CTIF: variants seen among roughly 807,000 people sequenced by gnomAD.
CTIF encodes the protein CBP80/20-dependent translation initiation factor.
CTIF carries 21 observed loss-of-function variants against 66.0 expected under a neutral mutation model. That is an observed-to-expected ratio of 0.32 (90% CI 0.23 to 0.46). The LOEUF is 0.46. CTIF is among the 20% of genes least tolerant of loss of function. The pLI is 1.00. For synonymous variants in CTIF, 345 were observed against 326.4 expected (o/e 1.06, Z -0.62); for missense variants, 739 against 812.7 (o/e 0.91, Z 1.10).
At chr18:48,719,126 A>G (rs984154050) in intron 7 of CTIF, among the ~76,000 whole-genome samples, 1 of 152,062 alleles carries the variant, frequency 6.6e-6, no homozygotes. Context: ...ATGCTTCTAG[A>G]ATTGTCTTTA....
chr18:48,838,227 C>T (rs560843675), intron 10 of CTIF, among the ~76,000 whole-genome samples: 1 of 152,300 alleles, frequency 6.6e-6, no homozygotes, highest in Admixed American at 6.5e-5. Flanking sequence ...CTCCCAACAC[C>T]CCGGCACATC....
chr18:48,676,305 G>A (rs1869629974), intron 6 of CTIF, among the ~76,000 whole-genome samples: 1 of 152,178 alleles, frequency 6.6e-6, no homozygotes, highest in African/African-American at 2.4e-5. Context: ...GAATTATCCA[G>A]TGTCCTGCCC....
At chr18:48,767,975 A>T (rs187628483) in intron 9 of CTIF, among the ~76,000 whole-genome samples, 1 of 152,252 alleles carries the variant, frequency 6.6e-6, no homozygotes, top group Admixed American at 6.5e-5. Context: ...AAGCCTGAAG[A>T]TGTATCTTAC....
intron 10 of CTIF, among the ~76,000 whole-genome samples, chr18:48,857,051 G>T (rs776935964): frequency 2.0e-5 from 3 of 152,210 alleles, no homozygotes; most frequent in African/African-American, 7.2e-5. Context: ...CAGCCCCTGA[G>T]TAAGTCCACA....
chr18:48,793,504 C>T (rs780760678), intron 9 of CTIF, among the ~76,000 whole-genome samples: 2 of 152,158 alleles, frequency 1.3e-5, no homozygotes, highest in African/African-American at 2.4e-5. Flanking sequence ...AAGTTTTTAG[C>T]GCCCACTATA....
intron 9 of CTIF, among the ~76,000 whole-genome samples, chr18:48,809,519 G>A (rs2068218471): frequency 6.6e-6 from 1 of 152,100 alleles, no homozygotes; most frequent in South Asian, 2.1e-4. Flanking sequence ...AGATTAACTT[G>A]TAGACTTCCT....
At chr18:48,592,431 A>G (rs1162054414) in intron 1 of CTIF, among the ~76,000 whole-genome samples, 2 of 148,430 alleles carry the variant, frequency 1.3e-5, no homozygotes, top group Non-Finnish European at 3.0e-5. Context: ...CAGGAGGCAG[A>G]GGTTGTGGTG....
chr18:48,719,348 C>G (rs910357984), intron 7 of CTIF, among the ~76,000 whole-genome samples: 1 of 152,132 alleles, frequency 6.6e-6, no homozygotes, highest in Admixed American at 6.5e-5. Context: ...TCAGAACACT[C>G]TACCAGTCAT....
intron 5 of CTIF, 175 bp from the exon 6 acceptor site, chr18:48,670,494 C>CGA (rs537967262): frequency 7.3e-6 from 4 of 546,730 alleles, no homozygotes; most frequent in South Asian, 2.1e-5. Flanking sequence ...GACCCCCCCC[C>CGA]CACACACACA....
At chr18:48,706,254 A>G (rs943499500) in intron 6 of CTIF, among the ~76,000 whole-genome samples, 2 of 152,222 alleles carry the variant, frequency 1.3e-5, no homozygotes, top group Non-Finnish European at 2.9e-5. Flanking sequence ...TGTAAGAACA[A>G]GCATATTGCC....
intron 1 of CTIF, among the ~76,000 whole-genome samples, chr18:48,598,197 T>C (rs1196513537): frequency 6.6e-6 from 1 of 152,156 alleles, no homozygotes; most frequent in Non-Finnish European, 1.5e-5. Context: ...GGGCTCCAGA[T>C]TTTTCCTACT....
intron 10 of CTIF, among the ~76,000 whole-genome samples, chr18:48,857,327 C>G (rs2069351699): frequency 6.6e-6 from 1 of 152,260 alleles, no homozygotes; most frequent in South Asian, 2.1e-4. Context: ...GGTGTTCAGA[C>G]CTGGCCCAGG....
chr18:48,639,348 A>G (rs1433098559), intron 3 of CTIF, among the ~76,000 whole-genome samples: 1 of 152,140 alleles, frequency 6.6e-6, no homozygotes, highest in East Asian at 1.9e-4. Flanking sequence ...GAAGCCAGGG[A>G]CCTGCCTTCA....
chr18:48,793,555 T>C (rs745332820), intron 9 of CTIF, among the ~76,000 whole-genome samples: 1 of 152,184 alleles, frequency 6.6e-6, no homozygotes, highest in Non-Finnish European at 1.5e-5. Flanking sequence ...TCCTCCCTCA[T>C]GATGATAGCT....
chr18:48,578,747 G>A (rs1046201681), intron 1 of CTIF, among the ~76,000 whole-genome samples: 3 of 152,156 alleles, frequency 2.0e-5, no homozygotes, highest in Non-Finnish European at 4.4e-5. Flanking sequence ...CTAAATACTA[G>A]ACCCTTACCA....
chr18:48,567,121 G>C (rs990990243), intron 1 of CTIF: 1 of 152,170 alleles, frequency 6.6e-6, no homozygotes, highest in African/African-American at 2.4e-5. Context: ...TGCCCTCATA[G>C]TCTAGCCTTA....
intron 7 of CTIF, among the ~76,000 whole-genome samples, chr18:48,713,157 C>T (rs1026950328): frequency 6.6e-6 from 1 of 152,174 alleles, no homozygotes; most frequent in African/African-American, 2.4e-5. Context: ...GGAGGCAGCA[C>T]CCCTCAAGGA....
chr18:48,678,908 C>T (rs1462878643), intron 6 of CTIF, among the ~76,000 whole-genome samples: 5 of 152,222 alleles, frequency 3.3e-5, no homozygotes, highest in Non-Finnish European at 5.9e-5. Context: ...TCCAGCTCTC[C>T]AGCCTGTTTT....
chr18:48,616,150 C>A (rs992513487), intron 1 of CTIF, among the ~76,000 whole-genome samples: 2 of 152,238 alleles, frequency 1.3e-5, no homozygotes, highest in African/African-American at 4.8e-5. Context: ...TCCTGCAAAA[C>A]CCGGTTCTCC....
Sources: allele counts gnomAD v4.1 joint callset (sites outside exome capture counted in the v4.1 genomes callset), GRCh38; gene constraint gnomAD v4.1.1; transcripts MANE v1.5; gene names NCBI Gene and HGNC (gene_info 2026-07-23, HGNC 2026-07-21).